Variants in SLC26A5 observed in about 807,000 individuals in gnomAD.
The protein encoded by SLC26A5 is prestin.
SLC26A5 carries 51 observed loss-of-function variants against 81.0 expected under a neutral mutation model. The ratio of observed to expected loss-of-function variants is 0.63; its 90% confidence interval spans 0.50 to 0.80. SLC26A5 has a LOEUF of 0.80. Ranked by LOEUF, SLC26A5 falls within the 30% of genes least tolerant of loss-of-function variation. SLC26A5 has a pLI of 0.00. For synonymous variants in SLC26A5, 325 were observed against 332.8 expected (o/e 0.98, Z 0.25); for missense variants, 771 against 905.8 (o/e 0.85, Z 1.91).
rs749141441 is a variant in SLC26A5, at chr7:103,389,396, T to C, written c.1340A>G (p.Asn447Ser). 36 of 1,613,924 alleles carry C rather than the reference T, an allele frequency of 2.2e-5. No individual in the cohort carries two copies. The highest frequency in any genetic ancestry group is 2.9e-5 in the Non-Finnish European group (34 of 1,179,982). Residue 447 changes from asparagine to serine, a missense_variant, in exon 13 of 20, where the codon AAC becomes AGC. Transcript: ENST00000306312. ...QAVLSAIVIVNLKGMFMQFSD... is the reference protein window; with the variant it reads ...QAVLSAIVIVSLKGMFMQFSD... ...GAACTGCATAAACATTCCCTTCAGG[T>C]TGACAATCACAATGGCCGACAGCAC...
chr7:103,388,867 T>A lies in SLC26A5; in HGVS notation c.1514+141A>T. The A allele has an allele frequency of 4.3e-6, 3 of 690,628 alleles. No homozygotes were observed. In the South Asian group the frequency reaches 4.5e-5, roughly 10 times the overall value. 42.8% of individuals were successfully genotyped at this position (690,628 alleles called of 1,614,324 possible). The stretch of plus-strand genomic sequence containing the variant: ...TTGTTCATCTAGTCAACAGGCTACA[T>A]GAGTGTTATAGCTCCCTCTCACGCT... On this transcript the variant is annotated intron_variant, in intron 14 of 19. Transcript: ENST00000306312.
At chr7:103,391,586 A>G (rs768163244) in intron 11 of SLC26A5, 36 bp downstream of exon 11, 1 of 1,515,324 alleles carries the variant, frequency 6.6e-7, no homozygotes, top group South Asian at 1.1e-5. Context: ...ATTACCACCC[A>G]TATCATCAGG....
intron 2 of SLC26A5, among the ~76,000 whole-genome samples, chr7:103,434,357 T>C (rs1826295191): frequency 6.6e-6 from 1 of 152,196 alleles, no homozygotes; most frequent in African/African-American, 2.4e-5. Context: ...TTATTTTTCC[T>C]TTCAGAAAGT....
At chr7:103,436,097 TA>T (rs1230642158) in intron 2 of SLC26A5, among the ~76,000 whole-genome samples, 1 of 152,188 alleles carries the variant, frequency 6.6e-6, no homozygotes, top group East Asian at 1.9e-4. Flanking sequence ...TGAGTAATTT[TA>T]TTTTTTTTGC....
rs139223308 is a variant in SLC26A5 at position 103,362,661 on chromosome 7, A to G, written c.2042-9735T>C. 2.7e-4 allele frequency: 422 copies of G among 1,568,180 alleles called. 3 individuals are homozygous for G. The East Asian group carries it at 9.4e-3, about 35-fold the overall frequency. ...CTTTGAAAGCTTAAAGAATGTATTA[A>G]TGACTATCTTTTTTACTTCCTTAGC... On this transcript the variant is annotated intron_variant, in intron 19 of 19. Transcript: ENST00000339444.
At chr7:103,378,869 T>C (rs1305819777) in intron 16 of SLC26A5, among the ~76,000 whole-genome samples, 1 of 152,202 alleles carries the variant, frequency 6.6e-6, no homozygotes, top group East Asian at 1.9e-4. Context: ...GCTTTTCCTA[T>C]ATACAGCGTG....
At chr7:103,361,510 CAAAAAAA>C (rs759044767) in intron 19 of SLC26A5, among the ~76,000 whole-genome samples, 15 of 51,104 alleles carry the variant, frequency 2.9e-4, no homozygotes, top group African/African-American at 7.1e-4. Context: ...AACTCCATCT[CAAAAAAA>C]AAAAAAAAAA....
intron 4 of SLC26A5, 57 bp from the exon 5 acceptor site, chr7:103,413,169 A>G (rs1376089652): frequency 5.0e-6 from 6 of 1,189,186 alleles, no homozygotes; most frequent in Non-Finnish European, 1.2e-6. Context: ...GAGGTGTTAC[A>G]TGTGTTTTTC....
rs565859901 is a variant in SLC26A5, at chr7:103,353,616, T to G, written c.2042-690A>C. On this transcript the variant is annotated intron_variant, in intron 19 of 19. Transcript: ENST00000339444. ...GCCACCGCACGGGGCCTGCATTGTA[T>G]TTCATTGTATGACTATGGTATAATT... 6.6e-5 allele frequency among the ~76,000 whole-genome samples: 10 copies of G among 152,356 alleles called. No homozygotes were observed. In the East Asian group the frequency reaches 1.7e-3, roughly 26 times the overall value.
At chr7:103,353,342 G>A (rs1333462319) in intron 19 of SLC26A5, among the ~76,000 whole-genome samples, 1 of 151,756 alleles carries the variant, frequency 6.6e-6, no homozygotes, top group Non-Finnish European at 1.5e-5. Context: ...AGTCTCTCTC[G>A]GTCACCCAGG....
intron 14 of SLC26A5, among the ~76,000 whole-genome samples, chr7:103,381,729 A>G (rs1821811273): frequency 1.3e-5 from 2 of 151,650 alleles, no homozygotes; most frequent in South Asian, 2.1e-4. Context: ...ACACAATACC[A>G]TACACAATAC....
At chr7:103,414,819 C>T (rs1824783029) in intron 4 of SLC26A5, among the ~76,000 whole-genome samples, 1 of 152,150 alleles carries the variant, frequency 6.6e-6, no homozygotes, top group African/African-American at 2.4e-5. Flanking sequence ...TTCACAAACT[C>T]CAGGGGGTAC....
chr7:103,407,778 T>C (rs1824170624), intron 8 of SLC26A5, 73 bp downstream of exon 8: 3 of 1,570,372 alleles, frequency 1.9e-6, no homozygotes, highest in Non-Finnish European at 2.6e-6. Flanking sequence ...TTTCATCCAC[T>C]TCAAAATCCC....
chr7:103,442,850 C>T (rs1826979120), intron 2 of SLC26A5, among the ~76,000 whole-genome samples: 1 of 152,188 alleles, frequency 6.6e-6, no homozygotes, highest in Admixed American at 6.5e-5. Flanking sequence ...CTCAAGAATA[C>T]TGTAAGTCAA....
intron 8 of SLC26A5, among the ~76,000 whole-genome samples, chr7:103,399,974 T>C (rs1295454851): frequency 6.6e-6 from 1 of 152,138 alleles, no homozygotes; most frequent in African/African-American, 2.4e-5. Flanking sequence ...CTATCATTGA[T>C]GGGCATTTGG....
intron 5 of SLC26A5, among the ~76,000 whole-genome samples, chr7:103,412,266 T>C (rs111574218): frequency 0.025 from 3,762 of 152,274 alleles, 152 homozygotes; most frequent in African/African-American, 0.086. Flanking sequence ...ACCAGAACTA[T>C]TATGAAATCC....
downstream of SLC26A5, among the ~76,000 whole-genome samples, chr7:103,373,158 G>C (rs972277803): frequency 2.0e-5 from 3 of 152,106 alleles, no homozygotes; most frequent in Non-Finnish European, 4.4e-5. Flanking sequence ...TAAAACTCCT[G>C]GGTAAATGGT....
intron 9 of SLC26A5, among the ~76,000 whole-genome samples, chr7:103,397,232 C>T (rs1339741549): frequency 6.6e-6 from 1 of 151,644 alleles, no homozygotes; most frequent in Non-Finnish European, 1.5e-5. Context: ...CATGGAGAAA[C>T]CCTGTCTCTA....
rs1022966843 is a variant in SLC26A5, at chr7:103,413,225, T to G, written c.293-113A>C. 5 of 755,906 alleles carry G rather than the reference T, an allele frequency of 6.6e-6. No homozygotes were observed. In the African/African-American group the frequency reaches 6.9e-5, roughly 10 times the overall value. The allele number at this position is 755,906 out of a possible 1,614,324, so 46.8% of individuals were successfully genotyped here. ...TGAACGAGTGAAGCCCATCTTAATT[T>G]AAGCTGCAACCTGCCCTACCCCAGT... is the stretch of plus-strand genomic sequence containing the variant. On this transcript the variant is annotated intron_variant, in intron 4 of 19. Coordinates refer to ENST00000306312, the MANE Select transcript of SLC26A5 (RefSeq NM_198999.3).
Sources: gnomAD v4.1 joint callset for allele counts (sites outside exome capture counted in the v4.1 genomes callset) on GRCh38, gnomAD v4.1.1 for gene constraint, MANE v1.5 for transcripts, NCBI Gene and HGNC (gene_info 2026-07-23, HGNC 2026-07-21) for gene names.